DOCK5: variants seen among roughly 807,000 people sequenced by gnomAD.
The protein encoded by DOCK5 is dedicator of cytokinesis protein 5.
In DOCK5, 142 loss-of-function variants were observed where a neutral mutation model predicts 251.8. The ratio of observed to expected loss-of-function variants is 0.56; its 90% CI spans 0.49 to 0.65. The LOEUF (loss-of-function observed/expected upper bound fraction) is 0.65, where lower values mean the gene tolerates loss of function less well. DOCK5 is among the 30% of genes least tolerant of loss of function. DOCK5 has a pLI of 0.00. For synonymous variants in DOCK5, 842 were observed against 835.5 expected (o/e 1.01, Z -0.13); for missense variants, 2,111 against 2,312.3 (o/e 0.91, Z 1.79).
rs17053198 is a variant in DOCK5, at chr8:25,201,322, C to A, written c.43+16371C>A. ...TATTTTGATAAGGTAATATTTAGTC[C>A]CATGACATACAAAACACTAGTAGCA... On this transcript the variant is annotated intron_variant, in intron 1 of 51. Coordinates refer to ENST00000276440, the MANE Select transcript of DOCK5 (RefSeq NM_024940.8). Among the ~76,000 whole-genome samples the A allele has an allele frequency of 3.3e-5, 5 of 152,026 alleles. No individual in the cohort carries two copies. The South Asian group carries it at 8.3e-4, about 25-fold the overall frequency.
rs79985619 is a variant in DOCK5, at chr8:25,313,559, C to G, written c.1318+3027C>G. Among the ~76,000 whole-genome samples the G allele has an allele frequency of 2.0e-5, 3 of 152,300 alleles. No individual in the cohort carries two copies. In the East Asian group the frequency reaches 5.8e-4, roughly 29 times the overall value. On this transcript the variant is annotated intron_variant, in intron 13 of 51. Coordinates refer to ENST00000276440, the MANE Select transcript of DOCK5 (RefSeq NM_024940.8). ...GTTCCTTGTTATTTGGTCCTGAGAC[C>G]CTGTGTGAGTGTGCTTGGGCTGCCA...
intron 23 of DOCK5, among the ~76,000 whole-genome samples, chr8:25,341,398 A>G (rs1384953524): frequency 6.6e-6 from 1 of 152,186 alleles, no homozygotes; most frequent in Non-Finnish European, 1.5e-5. Context: ...CTGAAGGCTC[A>G]AATGTGAACT....
intron 1 of DOCK5, among the ~76,000 whole-genome samples, chr8:25,188,890 A>C (rs1801500376): frequency 6.6e-6 from 1 of 152,142 alleles, no homozygotes; most frequent in South Asian, 2.1e-4. Flanking sequence ...ACTTTTAAGC[A>C]AACATTAGTG....
At chr8:25,332,095 C>T (rs1402219122) in intron 18 of DOCK5, among the ~76,000 whole-genome samples, 156 bp from the exon 19 acceptor site, 1 of 152,064 alleles carries the variant, frequency 6.6e-6, no homozygotes, top group African/African-American at 2.4e-5. Flanking sequence ...TTTTCTCTGA[C>T]TTAGATAGGA....
At chr8:25,315,827 G>A (rs1472323919) in intron 13 of DOCK5, among the ~76,000 whole-genome samples, 2 of 152,240 alleles carry the variant, frequency 1.3e-5, no homozygotes, top group Non-Finnish European at 2.9e-5. Context: ...CTCAGCAAGT[G>A]ATAAGCAGTA....
At chr8:25,369,295 G>A (rs532914760) in intron 33 of DOCK5, among the ~76,000 whole-genome samples, 1 of 152,306 alleles carries the variant, frequency 6.6e-6, no homozygotes, top group East Asian at 1.9e-4. Flanking sequence ...ATTTTTATAT[G>A]AATAGTTGTA....
At chr8:25,397,445 G>A (rs2960175) in intron 45 of DOCK5, among the ~76,000 whole-genome samples, 134,597 of 152,140 alleles carry the variant, frequency 0.88, 61,749 homozygotes, top group East Asian at 1. Context: ...CACTATGATC[G>A]TCTTCTTTCT....
chr8:25,315,935 T>C (rs1312211539), intron 13 of DOCK5, among the ~76,000 whole-genome samples: 3 of 152,242 alleles, frequency 2.0e-5, no homozygotes, highest in Admixed American at 6.5e-5. Context: ...GTTTTTTACA[T>C]TGGGTGGCAG....
At chr8:25,299,305 T>G in intron 8 of DOCK5, 1 of 530,218 alleles carries the variant, frequency 1.9e-6, no homozygotes, top group Non-Finnish European at 3.2e-6. Flanking sequence ...TTGTATACTC[T>G]CTGGGATTTA....
chr8:25,202,325 ATATTTGAATTCCCAGGGATCTC>A (rs1801900890), intron 1 of DOCK5, among the ~76,000 whole-genome samples: 1 of 152,114 alleles, frequency 6.6e-6, no homozygotes, highest in Non-Finnish European at 1.5e-5. Context: ...CCCCTGGAAA[ATATTTGAATTCCCAGGGATCTC>A]TGGGTGATGG....
At chr8:25,384,660 A>G (rs1801133099) in intron 40 of DOCK5, among the ~76,000 whole-genome samples, 1 of 151,746 alleles carries the variant, frequency 6.6e-6, no homozygotes, top group South Asian at 2.1e-4. Flanking sequence ...GGGTTTCACC[A>G]TGTTGGCCAG....
At chr8:25,311,068 A>G (rs959207659) in intron 13 of DOCK5, among the ~76,000 whole-genome samples, 1 of 152,152 alleles carries the variant, frequency 6.6e-6, no homozygotes, top group Admixed American at 6.5e-5. Context: ...TTGTTGTGAC[A>G]AGAATGTCAG....
At chr8:25,289,764 C>T (rs1184815993) in intron 5 of DOCK5, among the ~76,000 whole-genome samples, 5 of 151,894 alleles carry the variant, frequency 3.3e-5, no homozygotes, top group African/African-American at 7.2e-5. Flanking sequence ...ATCACTTGAA[C>T]GCGGGATGGG....
intron 3 of DOCK5, among the ~76,000 whole-genome samples, chr8:25,272,316 A>G (rs1803932619): frequency 6.6e-6 from 1 of 152,212 alleles, no homozygotes; most frequent in African/African-American, 2.4e-5. Context: ...AGCATGATCC[A>G]CTGTGCCTTG....
At chr8:25,342,359 G>T in intron 24 of DOCK5, 42 bp from the exon 25 acceptor site, 1 of 1,476,792 alleles carries the variant, frequency 6.8e-7, no homozygotes, top group Non-Finnish European at 9.3e-7. Context: ...CCTTCAATTT[G>T]GCAGAACGAA....
At chr8:25,340,436 C>T (rs546989300) in intron 22 of DOCK5, among the ~76,000 whole-genome samples, 3 of 152,318 alleles carry the variant, frequency 2.0e-5, no homozygotes, top group African/African-American at 7.2e-5. Flanking sequence ...TATGCACTTT[C>T]ATTTGGGACT....
intron 40 of DOCK5, among the ~76,000 whole-genome samples, chr8:25,383,683 T>C (rs1563224727): frequency 6.6e-6 from 1 of 152,074 alleles, no homozygotes; most frequent in Admixed American, 6.6e-5. Context: ...GCTGAAACGC[T>C]GTCCCTACTA....
rs532176730 is a variant in DOCK5 at position 25,258,580 on chromosome 8, G to A, written c.128-10265G>A. ...GGCCGTGTAGGCAGGGTGCTTTAGCGCTGCCTGTCTCTGCCCACTGGGCAT... is the reference window on the plus strand; with the variant it reads ...GGCCGTGTAGGCAGGGTGCTTTAGCACTGCCTGTCTCTGCCCACTGGGCAT... On this transcript the variant is annotated intron_variant, in intron 2 of 51. Coordinates refer to ENST00000276440, the MANE Select transcript of DOCK5 (RefSeq NM_024940.8). Among the ~76,000 whole-genome samples the A allele has an allele frequency of 3.0e-4, 46 of 152,220 alleles. 1 individual carries two copies. Among genetic ancestry groups the A allele is most frequent in the African/African-American group, 1.0e-3 (42 of 41,558 alleles).
intron 1 of DOCK5, among the ~76,000 whole-genome samples, chr8:25,239,489 A>G (rs1802889299): frequency 1.3e-5 from 2 of 151,992 alleles, no homozygotes; most frequent in South Asian, 2.1e-4. Flanking sequence ...CTTGGTCATT[A>G]CACAATGCAT....
Sources: gnomAD v4.1 joint callset for allele counts (sites outside exome capture counted in the v4.1 genomes callset) on GRCh38, gnomAD v4.1.1 for gene constraint, MANE v1.5 for transcripts, NCBI Gene and HGNC (gene_info 2026-07-23, HGNC 2026-07-21) for gene names.